SDK1: variants seen among roughly 807,000 people sequenced by gnomAD.
SDK1 encodes sidekick cell adhesion molecule 1.
In SDK1, 157 loss-of-function variants were observed where a neutral mutation model predicts 245.5. The ratio of observed to expected loss-of-function variants is 0.64; its 90% confidence interval spans 0.56 to 0.73. The LOEUF is 0.73. SDK1 is among the 30% of genes least tolerant of loss of function. The probability of loss-of-function intolerance (pLI) is 0.00; values close to 1 mark genes in which losing one functional copy is unlikely to be tolerated. For synonymous variants in SDK1, 1,647 were observed against 1,278.5 expected (o/e 1.29, Z -6.15); for missense variants, 3,583 against 3,002.3 (o/e 1.19, Z -4.52).
chr7:3,550,952 A>G (rs1034941039), intron 1 of SDK1, among the ~76,000 whole-genome samples: 8 of 152,208 alleles, frequency 5.3e-5, no homozygotes, highest in Non-Finnish European at 1.2e-4. Flanking sequence ...CTTGATTGTT[A>G]AAAGAAATAA....
chr7:3,308,365 G>T (rs1779470047), intron 1 of SDK1, among the ~76,000 whole-genome samples: 1 of 152,110 alleles, frequency 6.6e-6, no homozygotes, highest in African/African-American at 2.4e-5. Flanking sequence ...GTCTGTTTTT[G>T]TGCTTAACAT....
chr7:3,872,828 G>A (rs1053727464), intron 5 of SDK1, among the ~76,000 whole-genome samples: 19 of 151,922 alleles, frequency 1.3e-4, no homozygotes, highest in African/African-American at 4.1e-4. Context: ...ATGCTATGCT[G>A]CTTCACACGG....
chr7:4,078,724 G>A (rs1399967859), intron 21 of SDK1, among the ~76,000 whole-genome samples: 1 of 152,170 alleles, frequency 6.6e-6, no homozygotes, highest in Admixed American at 6.5e-5. Flanking sequence ...AATTCCGGGT[G>A]GGAGATGCTC....
At position 3,301,794 on chromosome 7, in the gene SDK1, G is replaced by C; in HGVS notation, c.208G>C (p.Gly70Arg). ...GDTAGAGRCG[G>R]RRAAKLGPGR... ...CACGGCGGGCGCGGGGCGGTGCGGC[G>C]GGCGGCGGGCGGCAAAGTTGGGGCC... is the stretch of plus-strand genomic sequence containing the variant. The change falls in exon 1 of 45, where the codon GGG becomes CGG. Residue 70 changes from glycine (G) to arginine (R), a missense_variant. Gly to Arg is a moderately radical substitution (Grantham distance 125). Transcript: ENST00000404826. The C allele has an allele frequency of 9.7e-7, 1 of 1,025,816 alleles. No homozygotes were observed. The highest frequency in any genetic ancestry group is 1.2e-6 in the Non-Finnish European group (1 of 857,722). 63.5% of individuals were successfully genotyped at this position (1,025,816 alleles called of 1,614,324 possible).
intron 5 of SDK1, among the ~76,000 whole-genome samples, chr7:3,862,030 A>C (rs535442033): frequency 6.6e-6 from 1 of 152,210 alleles, no homozygotes; most frequent in South Asian, 2.1e-4. Context: ...TTGTGTATAA[A>C]TGTTTCCCAG....
At chr7:3,798,711 T>C (rs919850396) in intron 4 of SDK1, among the ~76,000 whole-genome samples, 41 of 152,166 alleles carry the variant, frequency 2.7e-4, no homozygotes, top group East Asian at 1.9e-4. Context: ...CCTTTCCACA[T>C]TCTGTTCTTA....
intron 7 of SDK1, among the ~76,000 whole-genome samples, chr7:3,956,515 C>A (rs927515253): frequency 6.6e-6 from 1 of 152,184 alleles, no homozygotes; most frequent in East Asian, 1.9e-4. Flanking sequence ...TGCACCTGCT[C>A]CCCAGGCACA....
chr7:3,603,590 G>A (rs190747669), intron 1 of SDK1, among the ~76,000 whole-genome samples: 2,990 of 152,158 alleles, frequency 0.02, 34 homozygotes, highest in Non-Finnish European at 0.029. Context: ...GGGCTGAGAC[G>A]ATGGGGTTTT....
chr7:3,413,116 G>C (rs142222004), intron 1 of SDK1, among the ~76,000 whole-genome samples: 87 of 152,332 alleles, frequency 5.7e-4, no homozygotes, highest in Middle Eastern at 6.8e-3. Flanking sequence ...CCCTGAGGAA[G>C]TGATATTTCA....
At chr7:3,336,750 G>C (rs1380308397) in intron 1 of SDK1, among the ~76,000 whole-genome samples, 1 of 152,200 alleles carries the variant, frequency 6.6e-6, no homozygotes, top group East Asian at 1.9e-4. Context: ...CTTACACAGA[G>C]GCAACAGAAA....
intron 5 of SDK1, among the ~76,000 whole-genome samples, chr7:3,931,179 A>G (rs1293433611): frequency 6.6e-6 from 1 of 152,178 alleles, no homozygotes; most frequent in African/African-American, 2.4e-5. Context: ...GAGCAGATCA[A>G]CCCATTTTAA....
At chr7:4,201,589 G>T (rs947596302) in intron 35 of SDK1, among the ~76,000 whole-genome samples, 1 of 152,204 alleles carries the variant, frequency 6.6e-6, no homozygotes, top group Non-Finnish European at 1.5e-5. Flanking sequence ...TAGAAATCTG[G>T]CATGGTCTAT....
intron 5 of SDK1, among the ~76,000 whole-genome samples, chr7:3,877,728 C>T (rs1464770160): frequency 4.6e-5 from 7 of 152,146 alleles, no homozygotes; most frequent in Non-Finnish European, 8.8e-5. Context: ...TATGGAGATT[C>T]GTATAAGACG....
chr7:3,890,365 A>G (rs948294196), intron 5 of SDK1, among the ~76,000 whole-genome samples: 7 of 152,222 alleles, frequency 4.6e-5, no homozygotes, highest in East Asian at 1.9e-4. Context: ...AAAAATGTCA[A>G]TGATCTCACA....
intron 8 of SDK1, among the ~76,000 whole-genome samples, chr7:3,962,023 A>G (rs1314499675): frequency 6.6e-6 from 1 of 152,146 alleles, no homozygotes; most frequent in Non-Finnish European, 1.5e-5. Flanking sequence ...AAACACGTAG[A>G]CACATGCACA....
chr7:3,603,749 C>T (rs1439973938), intron 1 of SDK1, among the ~76,000 whole-genome samples: 2 of 152,176 alleles, frequency 1.3e-5, no homozygotes, highest in South Asian at 2.1e-4. Flanking sequence ...GAGGGCATCC[C>T]TGTCTTGTGC....
intron 4 of SDK1, among the ~76,000 whole-genome samples, chr7:3,791,211 A>C (rs1207962853): frequency 1.3e-5 from 2 of 152,180 alleles, no homozygotes; most frequent in East Asian, 3.9e-4. Flanking sequence ...TGGCAGACAA[A>C]ACCTGAGCTT....
intron 1 of SDK1, chr7:3,302,249 G>C (rs1027296350): frequency 6.6e-6 from 1 of 152,400 alleles, no homozygotes; most frequent in African/African-American, 2.4e-5. Context: ...GCACCGCAGG[G>C]TCTGGTTTCC....
intron 4 of SDK1, among the ~76,000 whole-genome samples, chr7:3,748,135 T>C (rs73304249): frequency 0.021 from 3,269 of 152,280 alleles, 126 homozygotes; most frequent in African/African-American, 0.074. Context: ...TAATAGTTAA[T>C]GCTATAATAT....
Sources: gnomAD v4.1 joint callset for allele counts (sites outside exome capture counted in the v4.1 genomes callset) on GRCh38, gnomAD v4.1.1 for gene constraint, MANE v1.5 for transcripts, NCBI Gene and HGNC (gene_info 2026-07-23, HGNC 2026-07-21) for gene names.